C1QTNF3: variants seen among roughly 807,000 people sequenced by gnomAD.
C1QTNF3 encodes the protein C1q and TNF related 3, also known as complement C1q tumor necrosis factor-related protein 3.
In C1QTNF3, 26 loss-of-function variants were observed where a neutral mutation model predicts 32.6. The ratio of observed to expected loss-of-function variants is 0.80; its 90% CI spans 0.58 to 1.11. The LOEUF (loss-of-function observed/expected upper bound fraction) is 1.11, where lower values mean the gene tolerates loss of function less well. Among genes scored for constraint, C1QTNF3 ranks in the 50% least tolerant of loss-of-function variants. The pLI, the probability that C1QTNF3 is intolerant of heterozygous loss-of-function variation, is 0.00. For missense variants in C1QTNF3, 362 were observed against 398.2 expected, an observed-to-expected ratio of 0.91 and a Z score of 0.77; for synonymous variants, 155 against 146.0, an observed-to-expected ratio of 1.06 and a Z score of -0.44.
the C1QTNF3 span, among the ~76,000 whole-genome samples, chr5:34,196,562 T>C: frequency 6.6e-6 from 1 of 152,424 alleles, no homozygotes; most frequent in South Asian, 2.1e-4. Flanking sequence ...GACGAGGAAA[T>C]GTTTTATATC....
At chr5:34,056,420 ATGTGTGTGTG>A in the C1QTNF3 span, among the ~76,000 whole-genome samples, 5,776 of 38,162 alleles carry the variant, frequency 0.15, 595 homozygotes, top group Non-Finnish European at 0.2. Context: ...ATGTATATGT[ATGTGTGTGTG>A]TGTGTGTGTG....
At chr5:34,071,312 AT>A in the C1QTNF3 span, among the ~76,000 whole-genome samples, 1 of 152,190 alleles carries the variant, frequency 6.6e-6, no homozygotes, top group Non-Finnish European at 1.5e-5. Flanking sequence ...ATTATTTTGT[AT>A]TTTTAAGCTA....
chr5:34,177,722 C>T, the C1QTNF3 span, among the ~76,000 whole-genome samples: 1 of 151,342 alleles, frequency 6.6e-6, no homozygotes, highest in African/African-American at 2.4e-5. Flanking sequence ...CTCTTGGCCT[C>T]GTGATCCACC....
chr5:34,153,845 T>G, the C1QTNF3 span, among the ~76,000 whole-genome samples: 1 of 71,730 alleles, frequency 1.4e-5, no homozygotes, highest in Non-Finnish European at 3.0e-5. Flanking sequence ...ACCCTAAAAC[T>G]TAGAGTATAA....
chr5:34,028,965 T>C, intron 3 of C1QTNF3, 82 bp from the exon 4 acceptor site: 1 of 1,227,278 alleles, frequency 8.1e-7, no homozygotes, highest in Non-Finnish European at 1.2e-6. Flanking sequence ...TTGTTAAACA[T>C]TATACATAAC....
intron 4 of C1QTNF3, among the ~76,000 whole-genome samples, chr5:34,027,606 G>C (rs1430397193): frequency 6.6e-6 from 1 of 152,044 alleles, no homozygotes; most frequent in Non-Finnish European, 1.5e-5. Flanking sequence ...GCTGAGTGGG[G>C]AGGATCGCTT....
intron 4 of C1QTNF3, among the ~76,000 whole-genome samples, chr5:34,025,552 T>G (rs993986177): frequency 6.6e-6 from 1 of 152,220 alleles, no homozygotes; most frequent in Non-Finnish European, 1.5e-5. Flanking sequence ...GTCTTTGTGT[T>G]GCTGTAATTT....
At chr5:34,207,912 C>A in the C1QTNF3 span, among the ~76,000 whole-genome samples, 11 of 149,472 alleles carry the variant, frequency 7.4e-5, no homozygotes, top group African/African-American at 2.7e-4. Context: ...CTCAGCCTCC[C>A]GAGTAGATGG....
chr5:34,184,622 G>A, the C1QTNF3 span, among the ~76,000 whole-genome samples: 3 of 151,310 alleles, frequency 2.0e-5, no homozygotes, highest in Non-Finnish European at 1.5e-5. Flanking sequence ...GCTGAGGCAG[G>A]AGAATCGCTT....
the C1QTNF3 span, among the ~76,000 whole-genome samples, chr5:34,121,601 A>C: frequency 6.6e-6 from 1 of 152,190 alleles, no homozygotes; most frequent in Non-Finnish European, 1.5e-5. Flanking sequence ...CTTGGGAATT[A>C]TGGGAGTACA....
the C1QTNF3 span, among the ~76,000 whole-genome samples, chr5:34,240,378 A>T: frequency 2.0e-5 from 3 of 151,760 alleles, no homozygotes; most frequent in African/African-American, 7.2e-5. Context: ...ACCTTTAGCT[A>T]GATAAACAAA....
chr5:34,047,769 T>C (rs1755011463), upstream of C1QTNF3, among the ~76,000 whole-genome samples: 1 of 152,230 alleles, frequency 6.6e-6, no homozygotes, highest in Non-Finnish European at 1.5e-5. Context: ...TGGTTGTTTA[T>C]GACTTCATGT....
the C1QTNF3 span, among the ~76,000 whole-genome samples, chr5:34,147,301 T>C: frequency 2.0e-5 from 3 of 152,330 alleles, no homozygotes; most frequent in East Asian, 5.8e-4. Context: ...AGCAATCCTA[T>C]CATTGCATAT....
rs775873735 is a variant in C1QTNF3, at chr5:34,033,436, G to T, written c.438C>A (p.Asn146Lys). The change falls in exon 3 of 6, where the codon AAC becomes AAA. Residue 146 changes from asparagine (N) to lysine (K), a missense_variant. Transcript: ENST00000382065. ...CTCCTTCATGACCAGTGGCTCCATT[G>T]TTGCCATTGTTTCCATGGTTTCCTT... ...GIPGNHGNNG[N>K]NGATGHEGAK... 17 of 1,614,024 alleles carry T rather than the reference G, an allele frequency of 1.1e-5. No homozygotes were observed. The Admixed American group carries it at 2.8e-4, about 27-fold the overall frequency.
chr5:34,154,262 C>T, the C1QTNF3 span, among the ~76,000 whole-genome samples: 2 of 152,058 alleles, frequency 1.3e-5, no homozygotes, highest in East Asian at 1.9e-4. Flanking sequence ...TATAATTAAT[C>T]GCAATGTACT....
chr5:34,019,260 T>C lies in C1QTNF3; in HGVS notation c.*1323A>G, dbSNP rs1273248366. Among the ~76,000 whole-genome samples, 2 of 152,192 alleles carry C rather than the reference T, an allele frequency of 1.3e-5. No homozygotes were observed. The highest frequency in any genetic ancestry group is 2.9e-5 in the Non-Finnish European group (2 of 68,050). ...TTGTGAAATCAGTCTTCCAAGTATA[T>C]TTCTGGTCATGGGTAAATTGTGAAG... On this transcript the variant is annotated 3_prime_UTR_variant, in exon 6 of 6. Coordinates refer to ENST00000382065, the MANE Select transcript of C1QTNF3 (RefSeq NM_181435.6).
the C1QTNF3 span, among the ~76,000 whole-genome samples, chr5:34,208,815 T>G: frequency 6.6e-6 from 1 of 152,220 alleles, no homozygotes; most frequent in East Asian, 1.9e-4. Flanking sequence ...ACTGCTTTCA[T>G]GTAGTGCTTG....
chr5:34,052,487 AGATG>A, the C1QTNF3 span, among the ~76,000 whole-genome samples: 3 of 152,256 alleles, frequency 2.0e-5, no homozygotes, highest in Non-Finnish European at 4.4e-5. Flanking sequence ...ATGGACAGAT[AGATG>A]GATGAACAGA....
At chr5:34,094,436 A>C in the C1QTNF3 span, among the ~76,000 whole-genome samples, 395 of 152,238 alleles carry the variant, frequency 2.6e-3, no homozygotes, top group South Asian at 9.1e-3. Flanking sequence ...GTAGCAAAAC[A>C]CTAAGGAAAA....
Sources: gnomAD v4.1 joint callset for allele counts (sites outside exome capture counted in the v4.1 genomes callset) on GRCh38, gnomAD v4.1.1 for gene constraint, MANE v1.5 for transcripts, NCBI Gene and HGNC (gene_info 2026-07-23, HGNC 2026-07-21) for gene names.